Variants in TSPAN12 observed in about 807,000 individuals in gnomAD.
TSPAN12 encodes tetraspanin-12.
Under a neutral mutation model 39.2 loss-of-function variants are expected in TSPAN12, and 19 were observed. The observed-to-expected ratio is 0.49, with a 90% CI of 0.34 to 0.71. The LOEUF is 0.71. Ranked by LOEUF, TSPAN12 falls within the 30% of genes least tolerant of loss-of-function variation. The pLI is 0.01. For missense variants in TSPAN12, 314 were observed against 359.9 expected (o/e 0.87, Z 1.03); for synonymous variants, 119 against 124.8 (o/e 0.95, Z 0.31).
rs1049006862 is a variant in TSPAN12, at chr7:120,832,895, G to A, written c.285+5882C>T. ...AAGACCATATTTTTAGAAATTAAATGACTACCGAATGCCTTGGAGTGATAA... is the reference window on the plus strand; with the variant it reads ...AAGACCATATTTTTAGAAATTAAATAACTACCGAATGCCTTGGAGTGATAA... On this transcript the variant is annotated intron_variant, in intron 4 of 7. Transcript: ENST00000222747. Among the ~76,000 whole-genome samples, 4 of 152,204 alleles carry A rather than the reference G, an allele frequency of 2.6e-5. No homozygotes were observed. The East Asian group carries it at 7.7e-4, about 29-fold the overall frequency.
At chr7:120,857,046 G>A in intron 1 of TSPAN12, 1 of 520,930 alleles carries the variant, frequency 1.9e-6, no homozygotes, top group South Asian at 2.1e-5. Context: ...CACCTGCTGG[G>A]AAAAGAAAAG....
intron 4 of TSPAN12, among the ~76,000 whole-genome samples, chr7:120,832,301 G>C (rs1324397272): frequency 1.9e-4 from 29 of 152,172 alleles, no homozygotes; most frequent in Non-Finnish European, 1.5e-5. Context: ...CTGGAAACAC[G>C]CATTGGTTCT....
At chr7:120,843,884 C>T (rs1050507482) in intron 2 of TSPAN12, among the ~76,000 whole-genome samples, 1 of 152,066 alleles carries the variant, frequency 6.6e-6, no homozygotes, top group Non-Finnish European at 1.5e-5. Context: ...TAAGTATCTC[C>T]GGGACAGAAA....
rs186421888 is a variant in TSPAN12 at position 120,799,460 on chromosome 7, A to C, written c.612+7089T>G. Among the ~76,000 whole-genome samples, 674 of 134,692 alleles carry C rather than the reference A, an allele frequency of 5.0e-3. 4 individuals are homozygous for C. The highest frequency in any genetic ancestry group is 0.026 in the Middle Eastern group (7 of 266). The allele number at this position is 134,692 out of a possible 152,430, so 88.4% of individuals were successfully genotyped here. On this transcript the variant is annotated intron_variant, in intron 7 of 7. Coordinates refer to ENST00000222747, the MANE Select transcript of TSPAN12 (RefSeq NM_012338.4). ...ATATAATTTAATTTATATATAATTT[A>C]ATTACATAATTATTTTTATAATTAT...
Position 120,838,818 on chromosome 7 carries a change from A to T in TSPAN12, c.244T>A (p.Tyr82Asn), listed in dbSNP as rs140434334. ...CFLIIVGMLG[Y>N]CGTVKRNLLL... The stretch of plus-strand genomic sequence containing the variant: ...AGATTTCTTTTCACCGTTCCACAAT[A>T]TCCTAACATCCCCACAATGATAAGG... The change falls in exon 4 of 8, where the codon TAT becomes AAT. Residue 82 changes from tyrosine (Y) to asparagine (N), a missense_variant. Tyr to Asn is a moderately radical substitution (Grantham distance 143). Coordinates refer to ENST00000222747, the MANE Select transcript of TSPAN12 (RefSeq NM_012338.4). The T allele has an allele frequency of 4.8e-5, 77 of 1,613,926 alleles. No homozygotes were observed. The highest frequency in any genetic ancestry group is 4.7e-5 in the Non-Finnish European group (55 of 1,179,944).
Position 120,838,513 on chromosome 7 carries a change from G to A in TSPAN12, c.285+264C>T, listed in dbSNP as rs185659175. On this transcript the variant is annotated intron_variant, in intron 4 of 7. Coordinates refer to ENST00000222747, the MANE Select transcript of TSPAN12 (RefSeq NM_012338.4). ...CTTTTTGAGTGCTAATAACTACAAG[G>A]ACACTAGAAAGAACTCATACTTTCA... Among the ~76,000 whole-genome samples the A allele has an allele frequency of 5.3e-3, 811 of 152,220 alleles. 6 individuals are homozygous for A. The highest frequency in any genetic ancestry group is 0.02 in the Middle Eastern group (6 of 294).
In TSPAN12 at chr7:120,800,750, T is replaced by TTTG. The variant is rs1331068225; in HGVS notation, c.612+5798_612+5799insCAA. 2.3e-4 allele frequency among the ~76,000 whole-genome samples: 33 copies of TTTG among 143,934 alleles called. 1 individual carries two copies. The highest frequency in any genetic ancestry group is 8.4e-4 in the African/African-American group (33 of 39,326). The allele number at this position is 143,934 out of a possible 152,430, so 94.4% of individuals were successfully genotyped here. On this transcript the variant is annotated intron_variant, in intron 7 of 7. Coordinates refer to ENST00000222747, the MANE Select transcript of TSPAN12 (RefSeq NM_012338.4). ...AAATAAAGTTTTCCTTATCGTTTTTTTTTGTTTTTTTTTTTTGAGACAGAG... is the reference window on the plus strand; with the variant it reads ...AAATAAAGTTTTCCTTATCGTTTTTTTTGTTTGTTTTTTTTTTTTGAGACAGAG...
chr7:120,799,915 A>G (rs1793731491), intron 7 of TSPAN12, among the ~76,000 whole-genome samples: 2 of 143,540 alleles, frequency 1.4e-5, no homozygotes, highest in South Asian at 2.1e-4. Flanking sequence ...TATTTATTAT[A>G]TTAAATATTT....
intron 2 of TSPAN12, among the ~76,000 whole-genome samples, chr7:120,856,222 T>C (rs1794866746): frequency 6.6e-6 from 1 of 152,190 alleles, no homozygotes; most frequent in African/African-American, 2.4e-5. Flanking sequence ...AGCCTTTCTG[T>C]GATAGGTTAT....
At chr7:120,806,019 G>A (rs943352510) in intron 7 of TSPAN12, among the ~76,000 whole-genome samples, 2 of 152,036 alleles carry the variant, frequency 1.3e-5, no homozygotes, top group Admixed American at 6.6e-5. Context: ...CATGAGGATT[G>A]ACTTTACCGC....
In TSPAN12 at chr7:120,810,624, TCA is replaced by T. The variant is rs112555207; in HGVS notation, c.361-56_361-55del. On this transcript the variant is annotated intron_variant, in intron 5 of 7. Coordinates refer to ENST00000222747, the MANE Select transcript of TSPAN12 (RefSeq NM_012338.4). ...CTGTAGCTCACACACAGACACAGAT[TCA>T]CACACACACACACACACACACACAC... The T allele has an allele frequency of 0.13, 88,787 of 702,542 alleles. 1,920 individuals are homozygous for T. Among genetic ancestry groups the T allele is most frequent in the East Asian group, 0.31 (11,214 of 36,278 alleles). The allele number at this position is 702,542 out of a possible 1,614,324, so 43.5% of individuals were successfully genotyped here.
intron 7 of TSPAN12, among the ~76,000 whole-genome samples, chr7:120,791,731 A>ATT: frequency 6.6e-6 from 1 of 152,314 alleles, no homozygotes; most frequent in South Asian, 2.1e-4. Flanking sequence ...TTTAAAGTCT[A>ATT]TTTCAGTTTA....
chr7:120,814,106 G>T (rs1254064120), intron 5 of TSPAN12: 1 of 435,394 alleles, frequency 2.3e-6, no homozygotes, highest in African/African-American at 2.0e-5. Context: ...GTGCAGAGTA[G>T]CCACTAGTCT....
Position 120,810,564 on chromosome 7 carries a change from C to A in TSPAN12, c.367G>T (p.Val123Leu). 6.2e-7 allele frequency: 1 copy of A among 1,611,972 alleles called. No individual in the cohort carries two copies. Among genetic ancestry groups the A allele is most frequent in the Non-Finnish European group, 8.5e-7 (1 of 1,178,426 alleles). ...AAAGTGACCATATCTGACCATTGTACTGGAACCTGGTGATAAAAAGCAAAA... is the reference window on the plus strand; with the variant it reads ...AAAGTGACCATATCTGACCATTGTAATGGAACCTGGTGATAAAAAGCAAAA... ...WTYEQELMVP[V>L]QWSDMVTLKA... Residue 123 changes from valine (V) to leucine (L), a missense_variant, in exon 6 of 8, where the codon GTA (valine) becomes TTA (leucine). Val to Leu is a conservative substitution (Grantham distance 32). Transcript: ENST00000222747.
At chr7:120,852,078 C>T (rs1400142346) in intron 2 of TSPAN12, among the ~76,000 whole-genome samples, 1 of 151,904 alleles carries the variant, frequency 6.6e-6, no homozygotes, top group East Asian at 1.9e-4. Context: ...TTAAAAAGTA[C>T]TCAAGATATA....
intron 2 of TSPAN12, among the ~76,000 whole-genome samples, chr7:120,850,261 T>C (rs1469655615): frequency 6.6e-6 from 1 of 152,222 alleles, no homozygotes; most frequent in Non-Finnish European, 1.5e-5. Context: ...ATAGATAGGG[T>C]GACCATGCAT....
chr7:120,852,714 T>C (rs998706934), intron 2 of TSPAN12, among the ~76,000 whole-genome samples: 2 of 152,184 alleles, frequency 1.3e-5, no homozygotes, highest in Admixed American at 6.5e-5. Flanking sequence ...ACTTCTCTCA[T>C]GCAAATAAAT....
intron 2 of TSPAN12, among the ~76,000 whole-genome samples, chr7:120,847,497 T>C (rs1794694967): frequency 6.6e-6 from 1 of 152,170 alleles, no homozygotes; most frequent in South Asian, 2.1e-4. Flanking sequence ...TTACCTCCAT[T>C]CCTCCAAAAC....
chr7:120,800,929 A>G (rs2116328963), intron 7 of TSPAN12, among the ~76,000 whole-genome samples: 1 of 151,950 alleles, frequency 6.6e-6, no homozygotes, highest in East Asian at 1.9e-4. Flanking sequence ...AGCTGGGACT[A>G]CACACATGCA....
Sources: gnomAD v4.1 joint callset for allele counts (sites outside exome capture counted in the v4.1 genomes callset) on GRCh38, gnomAD v4.1.1 for gene constraint, MANE v1.5 for transcripts, NCBI Gene and HGNC (gene_info 2026-07-23, HGNC 2026-07-21) for gene names.